The following SETBP1 variants were observed in gnomAD, a reference collection of about 807,000 sequenced individuals.
SETBP1 encodes the protein SET binding protein 1.
Under a neutral mutation model 101.0 loss-of-function variants are expected in SETBP1, and 9 were observed. The ratio of observed to expected loss-of-function variants is 0.09; its 90% confidence interval spans 0.05 to 0.16. SETBP1 has a LOEUF of 0.16. SETBP1 is among the 10% of genes least tolerant of loss of function. The pLI, the probability that SETBP1 is intolerant of heterozygous loss-of-function variation, is 1.00. For synonymous variants in SETBP1, 818 were observed against 788.5 expected, an observed-to-expected ratio of 1.04 and a Z score of -0.63; for missense variants, 1,858 against 2,033.8, an observed-to-expected ratio of 0.91 and a Z score of 1.66.
chr18:44,727,225 C>G (rs1312247916), intron 2 of SETBP1, among the ~76,000 whole-genome samples: 1 of 82,840 alleles, frequency 1.2e-5, no homozygotes, highest in African/African-American at 4.8e-5. Flanking sequence ...TGTGTTGATA[C>G]CCAAATAAAA....
chr18:44,956,348 T>C (rs1370153724), intron 4 of SETBP1, among the ~76,000 whole-genome samples: 1 of 152,102 alleles, frequency 6.6e-6, no homozygotes, highest in African/African-American at 2.4e-5. Flanking sequence ...CACCTTAATG[T>C]GATAGACTCT....
chr18:44,985,203 A>G (rs1296023083), intron 4 of SETBP1, among the ~76,000 whole-genome samples: 4 of 152,206 alleles, frequency 2.6e-5, no homozygotes, highest in Non-Finnish European at 5.9e-5. Context: ...CTTTCAGGTT[A>G]CAAATGTGGG....
At chr18:44,900,491 T>C (rs1188321906) in intron 3 of SETBP1, among the ~76,000 whole-genome samples, 1 of 152,234 alleles carries the variant, frequency 6.6e-6, no homozygotes, top group African/African-American at 2.4e-5. Context: ...CTGTGTTTCA[T>C]AAGAAAATAG....
At chr18:44,983,254 A>G (rs916626884) in intron 4 of SETBP1, among the ~76,000 whole-genome samples, 19 of 152,206 alleles carry the variant, frequency 1.2e-4, no homozygotes, top group Admixed American at 9.8e-4. Flanking sequence ...TTGGGGAAAA[A>G]CAGGTACACG....
chr18:44,698,057 T>G (rs1194047172), intron 1 of SETBP1, among the ~76,000 whole-genome samples: 1 of 152,222 alleles, frequency 6.6e-6, no homozygotes, highest in Non-Finnish European at 1.5e-5. Flanking sequence ...GTGGCTAATT[T>G]GCTTTGGTCT....
rs115553820 is a variant in SETBP1, at chr18:44,706,930, A to C, written c.486+5098A>C. On this transcript the variant is annotated intron_variant, in intron 2 of 5. Transcript: ENST00000649279. ...ATAACTCAGAGGAAGATTTTAGAAG[A>C]AAATGGATAATTTACAGAGCAAACA... Among the ~76,000 whole-genome samples, 1,022 of 152,350 alleles carry C rather than the reference A, an allele frequency of 6.7e-3. 16 individuals are homozygous for C. Among genetic ancestry groups the C allele is most frequent in the African/African-American group, 0.024 (990 of 41,572 alleles).
At chr18:44,886,933 C>G (rs1417170717) in intron 3 of SETBP1, among the ~76,000 whole-genome samples, 1 of 152,058 alleles carries the variant, frequency 6.6e-6, no homozygotes, top group Non-Finnish European at 1.5e-5. Flanking sequence ...TGTCAGAGAC[C>G]TTGCTTGCAG....
intron 1 of SETBP1, among the ~76,000 whole-genome samples, chr18:44,682,195 G>A (rs1294467976): frequency 6.6e-6 from 1 of 152,102 alleles, no homozygotes; most frequent in African/African-American, 2.4e-5. Context: ...TAGTAAATAG[G>A]TATATCTCCT....
rs530524216 is a variant in SETBP1, at chr18:44,977,760, A to G, written c.4000+24420A>G. ...GGCCGATAAACATGGGTGTTTCTGC[A>G]GTTGCTGCCCAGAGTCTGACCCACC... On this transcript the variant is annotated intron_variant, in intron 4 of 5. Transcript: ENST00000649279. 2.6e-5 allele frequency among the ~76,000 whole-genome samples: 4 copies of G among 152,200 alleles called. No individual in the cohort carries two copies. The South Asian group carries it at 8.3e-4, about 32-fold the overall frequency.
intron 2 of SETBP1, among the ~76,000 whole-genome samples, chr18:44,774,103 A>C (rs1161166766): frequency 6.6e-5 from 10 of 152,170 alleles, no homozygotes; most frequent in Non-Finnish European, 1.5e-4. Flanking sequence ...CAAGATTTAT[A>C]CACCAATTCC....
At chr18:44,833,547 A>C (rs2072424495) in intron 2 of SETBP1, among the ~76,000 whole-genome samples, 1 of 152,218 alleles carries the variant, frequency 6.6e-6, no homozygotes, top group African/African-American at 2.4e-5. Context: ...CAGAAGTGGC[A>C]GACAAAATAG....
chr18:44,990,768 T>C (rs190694069), intron 4 of SETBP1, among the ~76,000 whole-genome samples: 21 of 150,832 alleles, frequency 1.4e-4, no homozygotes, highest in Admixed American at 1.3e-3. Context: ...TAAATAGGAG[T>C]AATCAGGTTA....
At chr18:44,939,949 G>C (rs2071050000) in intron 3 of SETBP1, among the ~76,000 whole-genome samples, 1 of 152,108 alleles carries the variant, frequency 6.6e-6, no homozygotes, top group Admixed American at 6.6e-5. Context: ...GGTTTTTTCT[G>C]ATTTTTTAGG....
At chr18:45,029,849 T>TTC (rs2073252545) in intron 4 of SETBP1, among the ~76,000 whole-genome samples, 1 of 152,102 alleles carries the variant, frequency 6.6e-6, no homozygotes, top group African/African-American at 2.4e-5. Flanking sequence ...GTGATTTTAG[T>TTC]ACATTGATTT....
chr18:44,994,194 A>T (rs984355236), intron 4 of SETBP1, among the ~76,000 whole-genome samples: 2 of 152,166 alleles, frequency 1.3e-5, no homozygotes, highest in African/African-American at 4.8e-5. Flanking sequence ...TGGGTAAAAA[A>T]AATGAAAAGG....
chr18:45,016,663 C>T (rs2072948173), intron 4 of SETBP1, among the ~76,000 whole-genome samples: 2 of 151,974 alleles, frequency 1.3e-5, no homozygotes, highest in Non-Finnish European at 2.9e-5. Context: ...TGAATCTGGC[C>T]TGTGCTACTG....
chr18:45,030,017 G>A (rs1190668243), intron 4 of SETBP1, among the ~76,000 whole-genome samples: 3 of 145,714 alleles, frequency 2.1e-5, no homozygotes, highest in Admixed American at 6.9e-5. Context: ...TCTCCTGCCT[G>A]ATTGCCCTGG....
chr18:44,772,956 A>T (rs1368115162), intron 2 of SETBP1, among the ~76,000 whole-genome samples: 4 of 152,128 alleles, frequency 2.6e-5, no homozygotes, highest in African/African-American at 9.7e-5. Context: ...GGAGGTATGA[A>T]CTGTGCCTTT....
chr18:44,984,072 G>A (rs950912561), intron 4 of SETBP1, among the ~76,000 whole-genome samples: 1 of 152,106 alleles, frequency 6.6e-6, no homozygotes, highest in African/African-American at 2.4e-5. Context: ...GTGGTTGCAT[G>A]AGCCTGTAAT....
Sources: gnomAD v4.1 joint callset for allele counts (sites outside exome capture counted in the v4.1 genomes callset) on GRCh38, gnomAD v4.1.1 for gene constraint, MANE v1.5 for transcripts, NCBI Gene and HGNC (gene_info 2026-07-23, HGNC 2026-07-21) for gene names.